SLC10A2: variants seen among roughly 807,000 people sequenced by gnomAD.
SLC10A2 encodes ileal sodium/bile acid cotransporter.
Under a neutral mutation model 27.1 loss-of-function variants are expected in SLC10A2, and 34 were observed. The observed-to-expected ratio is 1.26, with a 90% CI of 0.96 to 1.67. The LOEUF is 1.67. SLC10A2 is among the 40% of genes most tolerant of loss of function. The pLI, the probability that SLC10A2 is intolerant of heterozygous loss-of-function variation, is 0.00. For synonymous variants in SLC10A2, 205 were observed against 174.0 expected, an observed-to-expected ratio of 1.18 and a Z score of -1.40; for missense variants, 530 against 444.4, an observed-to-expected ratio of 1.19 and a Z score of -1.73.
At chr13:103,053,117 T>TGTGTGTGA (rs1555334231) in intron 2 of SLC10A2, among the ~76,000 whole-genome samples, 5 of 147,416 alleles carry the variant, frequency 3.4e-5, no homozygotes, top group Admixed American at 2.0e-4. Context: ...TGTGTGTGTG[T>TGTGTGTGA]GTGTGTGTGT....
Position 103,057,515 on chromosome 13 carries a change from C to T in SLC10A2, c.496+749G>A, listed in dbSNP as rs543667204. ...GAGTGTTAGAAACAGTGTGTTTCGT[C>T]TAGCAGTTTTCTGTTGTAACACTCT... On this transcript the variant is annotated intron_variant, in intron 2 of 5. Transcript: ENST00000245312. Among the ~76,000 whole-genome samples, 44 of 152,294 alleles carry T rather than the reference C, an allele frequency of 2.9e-4. No homozygotes were observed. In the South Asian group the frequency reaches 8.9e-3, roughly 31 times the overall value.
chr13:103,052,560 A>G, intron 3 of SLC10A2, 60 bp downstream of exon 3: 1 of 1,212,430 alleles, frequency 8.2e-7, no homozygotes, highest in East Asian at 2.3e-5. Context: ...CATGGATGGA[A>G]AACCCTATGG....
Position 103,065,987 on chromosome 13 carries a change from A to G in SLC10A2, c.263T>C (p.Val88Ala). 1 of 1,614,120 alleles carries G rather than the reference A, an allele frequency of 6.2e-7. No homozygotes were observed. The highest frequency in any genetic ancestry group is 8.5e-7 in the Non-Finnish European group (1 of 1,179,974). Residue 88 changes from valine to alanine, a missense_variant, in exon 1 of 6, where the codon GTG becomes GCG. Physicochemically the swap from Val to Ala is moderately conservative, Grantham distance 64 (BLOSUM62 0). Coordinates refer to ENST00000245312, the MANE Select transcript of SLC10A2 (RefSeq NM_000452.3). Reference protein sequence around the residue: ...IMPLTGFILSVAFDILPLQAV... With the variant: ...IMPLTGFILSAAFDILPLQAV... ...CTGGAGCGGGAGGATGTCAAAGGCC[A>G]CCGACAGGATGAATCCTGTGAGGGG...
At chr13:103,053,021 C>A (rs536643645) in intron 2 of SLC10A2, among the ~76,000 whole-genome samples, 6 of 151,486 alleles carry the variant, frequency 4.0e-5, no homozygotes, top group African/African-American at 1.5e-4. Flanking sequence ...TTTAATTTGT[C>A]AGAATCTTGG....
At chr13:103,056,530 T>A (rs1875943235) in intron 2 of SLC10A2, among the ~76,000 whole-genome samples, 1 of 152,144 alleles carries the variant, frequency 6.6e-6, no homozygotes, top group Non-Finnish European at 1.5e-5. Flanking sequence ...AGGAGAATAT[T>A]TTATGGCTTA....
At chr13:103,053,625 T>C (rs1321826189) in intron 2 of SLC10A2, among the ~76,000 whole-genome samples, 1 of 152,174 alleles carries the variant, frequency 6.6e-6, no homozygotes, top group African/African-American at 2.4e-5. Flanking sequence ...ACGGTGAAAT[T>C]CTGAGAGTGG....
At chr13:103,054,914 T>C (rs1311828655) in intron 2 of SLC10A2, among the ~76,000 whole-genome samples, 1 of 152,164 alleles carries the variant, frequency 6.6e-6, no homozygotes, top group East Asian at 1.9e-4. Context: ...AAAGTGCCTG[T>C]CTATGTAGAT....
chr13:103,063,774 G>A (rs1876196624), intron 1 of SLC10A2, among the ~76,000 whole-genome samples: 1 of 152,176 alleles, frequency 6.6e-6, no homozygotes, highest in African/African-American at 2.4e-5. Context: ...ATCTTCTTGT[G>A]TTTGTAGAAG....
At chr13:103,046,288 T>A in intron 5 of SLC10A2, 28 bp from the exon 6 acceptor site, 1 of 1,556,500 alleles carries the variant, frequency 6.4e-7, no homozygotes, top group Non-Finnish European at 8.8e-7. Context: ...GACAGTTAAG[T>A]AAATTTTATA....
chr13:103,047,930 C>A (rs2138910618), intron 5 of SLC10A2, among the ~76,000 whole-genome samples: 1 of 152,058 alleles, frequency 6.6e-6, no homozygotes, highest in Non-Finnish European at 1.5e-5. Context: ...ATACAGAAAA[C>A]AAGGTAATTA....
intron 2 of SLC10A2, among the ~76,000 whole-genome samples, chr13:103,054,572 T>C (rs1295486079): frequency 6.7e-6 from 1 of 149,966 alleles, no homozygotes; most frequent in Non-Finnish European, 1.5e-5. Context: ...TATATTTTAA[T>C]GTGCTGAATC....
intron 1 of SLC10A2, among the ~76,000 whole-genome samples, chr13:103,061,987 G>C (rs149438175): frequency 5.9e-5 from 9 of 152,048 alleles, no homozygotes; most frequent in African/African-American, 2.2e-4. Context: ...ACAGAAAAGA[G>C]TCAAGTATAA....
chr13:103,047,781 G>C (rs772253690), intron 5 of SLC10A2, among the ~76,000 whole-genome samples: 1 of 151,516 alleles, frequency 6.6e-6, no homozygotes, highest in Non-Finnish European at 1.5e-5. Flanking sequence ...ACCTCTTTGG[G>C]GTTAGTGTTC....
chr13:103,047,423 G>A (rs142325670), intron 5 of SLC10A2, among the ~76,000 whole-genome samples: 134 of 152,154 alleles, frequency 8.8e-4, no homozygotes, highest in Middle Eastern at 3.4e-3. Flanking sequence ...TTTGAGCTGA[G>A]AGTCCCTCAG....
intron 1 of SLC10A2, among the ~76,000 whole-genome samples, chr13:103,065,381 C>G (rs186827890): frequency 6.6e-6 from 1 of 152,266 alleles, no homozygotes; most frequent in Non-Finnish European, 1.5e-5. Context: ...AGGTTTTATA[C>G]CAGGAAAATG....
intron 1 of SLC10A2, among the ~76,000 whole-genome samples, chr13:103,059,911 G>T (rs1876054250): frequency 6.6e-6 from 1 of 152,196 alleles, no homozygotes; most frequent in African/African-American, 2.4e-5. Context: ...AAGCATGCAA[G>T]CGGCAGGGTA....
intron 4 of SLC10A2, 79 bp from the exon 5 acceptor site, chr13:103,049,525 A>G (rs1449828938): frequency 1.4e-6 from 2 of 1,393,316 alleles, no homozygotes; most frequent in African/African-American, 1.4e-5. Flanking sequence ...AATAATAAGT[A>G]CATATATATG....
At chr13:103,048,348 A>G (rs1441374789) in intron 5 of SLC10A2, among the ~76,000 whole-genome samples, 1 of 151,550 alleles carries the variant, frequency 6.6e-6, no homozygotes, top group Admixed American at 6.6e-5. Context: ...CAGAGATCAC[A>G]CCACTGCAAT....
Position 103,046,118 on chromosome 13 carries a change from T to C in SLC10A2, c.*15A>G. The C allele has an allele frequency of 6.2e-7, 1 of 1,613,676 alleles. No individual in the cohort carries two copies. Among genetic ancestry groups the C allele is most frequent in the Non-Finnish European group, 8.5e-7 (1 of 1,179,682 alleles). ...GAACGTAATTTGGAACTCGTCTGTTTTGTCCACTTGATGTCTACTTTTCGT... is the reference window on the plus strand; with the variant it reads ...GAACGTAATTTGGAACTCGTCTGTTCTGTCCACTTGATGTCTACTTTTCGT... On this transcript the variant is annotated 3_prime_UTR_variant, in exon 6 of 6. Transcript: ENST00000245312.
Sources: gnomAD v4.1 joint callset for allele counts (sites outside exome capture counted in the v4.1 genomes callset) on GRCh38, gnomAD v4.1.1 for gene constraint, MANE v1.5 for transcripts, NCBI Gene and HGNC (gene_info 2026-07-23, HGNC 2026-07-21) for gene names.